The following PGBD5 variants were observed in gnomAD, a reference collection of about 807,000 sequenced individuals.
PGBD5 encodes the protein piggyBac transposable element derived 5, also known as piggyBac transposable element-derived protein 5.
PGBD5 carries 14 observed loss-of-function variants against 47.9 expected under a neutral mutation model. That is an observed-to-expected ratio of 0.29 (90% CI 0.19 to 0.46). The LOEUF is 0.46. PGBD5 is among the 20% of genes least tolerant of loss of function. The pLI, the probability that PGBD5 is intolerant of heterozygous loss-of-function variation, is 1.00. For synonymous variants in PGBD5, 316 were observed against 306.3 expected (o/e 1.03, Z -0.33); for missense variants, 635 against 716.0 (o/e 0.89, Z 1.29).
intron 1 of PGBD5, among the ~76,000 whole-genome samples, chr1:230,370,783 A>AGG (rs201308931): frequency 2.0e-5 from 3 of 151,540 alleles, no homozygotes; most frequent in Admixed American, 2.0e-4. Context: ...CTCAACGCAC[A>AGG]TGGCTAAGAG....
chr1:230,401,250 C>T (rs916154227), intron 1 of PGBD5, among the ~76,000 whole-genome samples: 1 of 152,228 alleles, frequency 6.6e-6, no homozygotes, highest in African/African-American at 2.4e-5. Flanking sequence ...ATCCTGGCTC[C>T]ACCCCTCACA....
intron 1 of PGBD5, among the ~76,000 whole-genome samples, chr1:230,419,086 T>C (rs776654418): frequency 8.5e-5 from 13 of 152,212 alleles, no homozygotes; most frequent in Non-Finnish European, 1.5e-4. Flanking sequence ...CAAATTGTTC[T>C]ACCAAAAAGA....
chr1:230,413,578 A>G (rs920341483), intron 1 of PGBD5, among the ~76,000 whole-genome samples: 1 of 152,206 alleles, frequency 6.6e-6, no homozygotes, highest in African/African-American at 2.4e-5. Context: ...GGTATAAAAA[A>G]GCAAATGCAA....
intron 3 of PGBD5, 132 bp downstream of exon 3, chr1:230,350,826 T>A (rs1667549047): frequency 3.8e-6 from 5 of 1,327,120 alleles, no homozygotes; most frequent in Non-Finnish European, 5.1e-6. Context: ...CGCAGGAGCA[T>A]CTGGGTGGAC....
rs140811861 is a variant in PGBD5 at position 230,369,042 on chromosome 1, CCT to C, written c.332-11723_332-11722del. ...TGAACAAAAAGGAAGTGGCACAAGC[CCT>C]GTCTTGACCTCTGGAAGGCCTTGGC... On this transcript the variant is annotated intron_variant, in intron 1 of 6. Coordinates refer to ENST00000391860, the MANE Select transcript of PGBD5 (RefSeq NM_001258311.2). Among the ~76,000 whole-genome samples the C allele has an allele frequency of 6.5e-3, 987 of 152,308 alleles. 16 individuals carry two copies. The highest frequency in any genetic ancestry group is 0.022 in the African/African-American group (934 of 41,564).
At chr1:230,339,810 A>G (rs538842314) in intron 3 of PGBD5, among the ~76,000 whole-genome samples, 2 of 152,258 alleles carry the variant, frequency 1.3e-5, no homozygotes, top group African/African-American at 4.8e-5. Context: ...AACTAATAGG[A>G]GAGAGTGGAA....
intron 1 of PGBD5, among the ~76,000 whole-genome samples, chr1:230,385,871 T>G (rs1293199678): frequency 6.6e-6 from 1 of 152,164 alleles, no homozygotes; most frequent in African/African-American, 2.4e-5. Context: ...AGCAGCAGCA[T>G]CACCCGGGAG....
At chr1:230,371,353 C>T (rs551514544) in intron 1 of PGBD5, among the ~76,000 whole-genome samples, 3 of 152,076 alleles carry the variant, frequency 2.0e-5, no homozygotes, top group African/African-American at 4.8e-5. Context: ...TTGAGATAGT[C>T]GGGCCAGGCC....
chr1:230,401,150 C>A (rs142618960), intron 1 of PGBD5, among the ~76,000 whole-genome samples: 2 of 152,162 alleles, frequency 1.3e-5, no homozygotes, highest in African/African-American at 4.8e-5. Flanking sequence ...GGCATTGGGC[C>A]GCATTCACCA....
intron 1 of PGBD5, among the ~76,000 whole-genome samples, chr1:230,366,587 G>C (rs1312339296): frequency 6.6e-6 from 1 of 152,184 alleles, no homozygotes; most frequent in Non-Finnish European, 1.5e-5. Flanking sequence ...TTCTGGACCA[G>C]GCTCCAACTC....
chr1:230,330,927 C>T (rs1334750898), intron 5 of PGBD5, among the ~76,000 whole-genome samples: 1 of 152,234 alleles, frequency 6.6e-6, no homozygotes. Flanking sequence ...ATCCTCCTTA[C>T]ATGCTCCTTT....
chr1:230,320,847 A>T lies in PGBD5; in HGVS notation c.*2578T>A, dbSNP rs1194388646. On this transcript the variant is annotated 3_prime_UTR_variant, in exon 7 of 7. Coordinates refer to ENST00000391860, the MANE Select transcript of PGBD5 (RefSeq NM_001258311.2). ...TGCTATTCTGTCCTTCTGGATGGAG[A>T]AGAGAAACTCTTCTCAGTCAACAGC... The T allele has an allele frequency of 6.6e-6, 1 of 152,174 alleles. No individual in the cohort carries two copies. Among genetic ancestry groups the T allele is most frequent in the Non-Finnish European group, 1.5e-5 (1 of 68,034 alleles). The allele number at this position is 152,174 out of a possible 1,614,324, so 9.4% of individuals were successfully genotyped here.
chr1:230,382,520 G>C (rs1179775882), intron 1 of PGBD5, among the ~76,000 whole-genome samples: 1 of 152,188 alleles, frequency 6.6e-6, no homozygotes, highest in East Asian at 1.9e-4. Context: ...TCAGGGAACT[G>C]GCTCACTGAT....
intron 1 of PGBD5, among the ~76,000 whole-genome samples, chr1:230,420,755 G>C (rs1657628707): frequency 1.3e-5 from 2 of 152,142 alleles, no homozygotes; most frequent in Non-Finnish European, 1.5e-5. Flanking sequence ...AAATTGCCCA[G>C]TCTTGGGTAT....
At chr1:230,367,522 T>C (rs902702797) in intron 1 of PGBD5, among the ~76,000 whole-genome samples, 1 of 151,980 alleles carries the variant, frequency 6.6e-6, no homozygotes, top group African/African-American at 2.4e-5. Flanking sequence ...GACAAGATAG[T>C]GATACCCCAT....
At chr1:230,377,557 T>A in intron 1 of PGBD5, 1 of 1,610,324 alleles carries the variant, frequency 6.2e-7, no homozygotes, top group Non-Finnish European at 8.5e-7. Flanking sequence ...CAACTGCAGC[T>A]CAGGTCCTGC....
chr1:230,391,380 A>T (rs1656782740), intron 1 of PGBD5, among the ~76,000 whole-genome samples: 2 of 152,344 alleles, frequency 1.3e-5, no homozygotes. Flanking sequence ...CTAGGAAAAA[A>T]TATGAGTTTG....
chr1:230,399,388 G>A lies in PGBD5; in HGVS notation c.331+26210C>T, dbSNP rs549028558. 1.9e-3 allele frequency among the ~76,000 whole-genome samples: 293 copies of A among 152,256 alleles called. 1 individual carries two copies. Among genetic ancestry groups the A allele is most frequent in the African/African-American group, 6.8e-3 (282 of 41,558 alleles). ...CCACGGAGCTGACTGCTCAGAACAC[G>A]AGGCCCAGGCCAGGGATGCCCTGGA... is the stretch of plus-strand genomic sequence containing the variant. On this transcript the variant is annotated intron_variant, in intron 1 of 6. Coordinates refer to ENST00000391860, the MANE Select transcript of PGBD5 (RefSeq NM_001258311.2).
At chr1:230,325,506 T>A (rs1667101985) in intron 5 of PGBD5, 91 bp from the exon 6 acceptor site, 1 of 873,866 alleles carries the variant, frequency 1.1e-6, no homozygotes, top group Non-Finnish European at 1.9e-6. Flanking sequence ...GCTTAGCTGC[T>A]CCCAACTTAA....
Sources: gnomAD v4.1 joint callset for allele counts (sites outside exome capture counted in the v4.1 genomes callset) on GRCh38, gnomAD v4.1.1 for gene constraint, MANE v1.5 for transcripts, NCBI Gene and HGNC (gene_info 2026-07-23, HGNC 2026-07-21) for gene names.